STK39: variants seen among roughly 807,000 people sequenced by gnomAD.
The protein encoded by STK39 is serine/threonine kinase 39.
STK39 carries 20 observed loss-of-function variants against 77.8 expected under a neutral mutation model. The observed-to-expected ratio is 0.26, with a 90% CI of 0.18 to 0.37. The LOEUF (loss-of-function observed/expected upper bound fraction) is 0.37. Among genes scored for constraint, STK39 ranks in the 10% least tolerant of loss-of-function variants. STK39 has a pLI of 1.00. For missense variants in STK39, 479 were observed against 656.5 expected, an observed-to-expected ratio of 0.73 and a Z score of 2.95; for synonymous variants, 246 against 234.1, an observed-to-expected ratio of 1.05 and a Z score of -0.47.
intron 5 of STK39, 118 bp from the exon 6 acceptor site, chr2:168,140,876 CAT>C: frequency 1.3e-6 from 1 of 797,756 alleles, no homozygotes; most frequent in South Asian, 2.0e-5. Flanking sequence ...CTATTCCAAA[CAT>C]GTCTACGGTG....
chr2:168,117,249 G>A (rs1687282008), intron 10 of STK39, among the ~76,000 whole-genome samples: 1 of 152,138 alleles, frequency 6.6e-6, no homozygotes, highest in Non-Finnish European at 1.5e-5. Flanking sequence ...CAAGAATACA[G>A]CACCAGCTGA....
chr2:168,096,437 G>T (rs1457857037), intron 10 of STK39, among the ~76,000 whole-genome samples: 1 of 152,152 alleles, frequency 6.6e-6, no homozygotes, highest in Non-Finnish European at 1.5e-5. Context: ...AGATAAATGA[G>T]ATCATGTGGG....
intron 14 of STK39, among the ~76,000 whole-genome samples, chr2:168,020,977 G>A (rs1684555373): frequency 6.6e-6 from 1 of 152,118 alleles, no homozygotes; most frequent in African/African-American, 2.4e-5. Context: ...CTGTATATGA[G>A]CAATGATTCA....
At chr2:168,036,530 G>A (rs1684959904) in intron 14 of STK39, among the ~76,000 whole-genome samples, 1 of 152,130 alleles carries the variant, frequency 6.6e-6, no homozygotes, top group African/African-American at 2.4e-5. Flanking sequence ...ACTGTTTTTG[G>A]GTAAGATTAA....
chr2:168,052,313 T>C (rs1053758083), intron 14 of STK39, among the ~76,000 whole-genome samples: 1 of 152,232 alleles, frequency 6.6e-6, no homozygotes, highest in Non-Finnish European at 1.5e-5. Flanking sequence ...TTTTGCTTTA[T>C]TCTCATGAAT....
intron 10 of STK39, among the ~76,000 whole-genome samples, chr2:168,101,793 T>G (rs994772083): frequency 1.3e-5 from 2 of 152,090 alleles, no homozygotes; most frequent in South Asian, 2.1e-4. Flanking sequence ...TATTGAGAGA[T>G]AATCCACCGT....
intron 1 of STK39, among the ~76,000 whole-genome samples, chr2:168,237,002 T>C (rs1292920095): frequency 3.3e-5 from 5 of 152,264 alleles, no homozygotes; most frequent in Middle Eastern, 3.4e-3. Context: ...GGTAGCTTGA[T>C]GGGGATGGCA....
chr2:168,187,134 C>T (rs1689230036), intron 1 of STK39, among the ~76,000 whole-genome samples: 1 of 152,120 alleles, frequency 6.6e-6, no homozygotes, highest in South Asian at 2.1e-4. Context: ...AGGTGGATCA[C>T]AAGGTCAGGA....
intron 16 of STK39, among the ~76,000 whole-genome samples, chr2:167,994,708 G>A (rs142567684): frequency 2.8e-4 from 43 of 152,278 alleles, no homozygotes; most frequent in African/African-American, 9.9e-4. Flanking sequence ...GTGACCTTTT[G>A]TGTCTGGCTT....
chr2:167,959,709 T>C (rs1559033772), intron 17 of STK39, among the ~76,000 whole-genome samples: 1 of 152,156 alleles, frequency 6.6e-6, no homozygotes, highest in Non-Finnish European at 1.5e-5. Context: ...TTCAATAAAG[T>C]CAATAATGTT....
At chr2:168,131,105 T>C (rs976079380) in intron 8 of STK39, among the ~76,000 whole-genome samples, 1 of 152,242 alleles carries the variant, frequency 6.6e-6, no homozygotes, top group African/African-American at 2.4e-5. Context: ...TGTAGGAACA[T>C]GTCCTTGTTT....
chr2:168,095,887 C>T (rs114221780), intron 10 of STK39, among the ~76,000 whole-genome samples: 2,143 of 152,148 alleles, frequency 0.014, 21 homozygotes, highest in Middle Eastern at 0.034. Context: ...AAAGACAAAT[C>T]CCCAATTATG....
chr2:168,215,691 A>G (rs541477890), intron 1 of STK39, among the ~76,000 whole-genome samples: 3 of 152,332 alleles, frequency 2.0e-5, no homozygotes, highest in African/African-American at 7.2e-5. Context: ...GTGACACAGG[A>G]GAAACAAATC....
At chr2:168,085,117 C>T (rs1686331862) in intron 10 of STK39, among the ~76,000 whole-genome samples, 1 of 152,120 alleles carries the variant, frequency 6.6e-6, no homozygotes, top group African/African-American at 2.4e-5. Flanking sequence ...CAAAATACTG[C>T]CAAGTTAGAC....
intron 16 of STK39, among the ~76,000 whole-genome samples, chr2:167,979,924 A>G (rs1199264083): frequency 1.3e-5 from 2 of 152,238 alleles, no homozygotes; most frequent in East Asian, 1.9e-4. Flanking sequence ...TTTTCTGCCT[A>G]CAGCAAGAAG....
intron 1 of STK39, among the ~76,000 whole-genome samples, chr2:168,245,902 G>A (rs1407658007): frequency 2.0e-5 from 3 of 152,080 alleles, no homozygotes; most frequent in Admixed American, 2.0e-4. Flanking sequence ...GTTATCTGAA[G>A]CTTGTATATA....
At chr2:168,167,505 T>C in intron 2 of STK39, 98 bp from the exon 3 acceptor site, 1 of 1,044,368 alleles carries the variant, frequency 9.6e-7, no homozygotes. Context: ...ACTTTCCTAC[T>C]CGAAAGCCTA....
intron 1 of STK39, among the ~76,000 whole-genome samples, chr2:168,220,500 T>C (rs1456841708): frequency 6.6e-6 from 1 of 152,140 alleles, no homozygotes; most frequent in Non-Finnish European, 1.5e-5. Context: ...GATGTGCATG[T>C]AAAAAGTACT....
At chr2:167,973,094 T>C (rs965526240) in intron 16 of STK39, among the ~76,000 whole-genome samples, 1 of 152,190 alleles carries the variant, frequency 6.6e-6, no homozygotes, top group African/African-American at 2.4e-5. Flanking sequence ...GTGTAATGTT[T>C]ATATAAAAGA....
Sources: gnomAD v4.1 joint callset for allele counts (sites outside exome capture counted in the v4.1 genomes callset) on GRCh38, gnomAD v4.1.1 for gene constraint, MANE v1.5 for transcripts, NCBI Gene and HGNC (gene_info 2026-07-23, HGNC 2026-07-21) for gene names.